The following PXDNL variants were observed in gnomAD, a reference collection of about 807,000 sequenced individuals.
The protein encoded by PXDNL is peroxidasin like, also known as probable oxidoreductase PXDNL.
A neutral mutation model predicts 150.8 loss-of-function variants in PXDNL; 145 were observed. The ratio of observed to expected loss-of-function variants is 0.96; its 90% CI spans 0.84 to 1.10. PXDNL has a LOEUF of 1.10. Among genes scored for constraint, PXDNL ranks in the 50% least tolerant of loss-of-function variants. The pLI is 0.00. For missense variants in PXDNL, 2,087 were observed against 1,873.9 expected, an observed-to-expected ratio of 1.11 and a Z score of -2.10; for synonymous variants, 757 against 725.7, an observed-to-expected ratio of 1.04 and a Z score of -0.69.
chr8:51,327,371 T>A (rs1019061766), intron 21 of PXDNL, among the ~76,000 whole-genome samples: 1 of 152,226 alleles, frequency 6.6e-6, no homozygotes, highest in Non-Finnish European at 1.5e-5. Context: ...ATGGCCCTGA[T>A]ACAATCATGT....
intron 2 of PXDNL, among the ~76,000 whole-genome samples, chr8:51,619,190 C>G (rs906830332): frequency 2.0e-5 from 3 of 152,174 alleles, no homozygotes; most frequent in Non-Finnish European, 4.4e-5. Flanking sequence ...AATTCTTCTT[C>G]CCCAAGGTGG....
chr8:51,623,482 G>A (rs1167290565), intron 2 of PXDNL, among the ~76,000 whole-genome samples: 2 of 152,238 alleles, frequency 1.3e-5, no homozygotes, highest in Non-Finnish European at 2.9e-5. Context: ...AAGCACATGT[G>A]TGTGCCTGTG....
rs190660720 is a variant in PXDNL at position 51,373,528 on chromosome 8, T to C, written c.3692+1069A>G. On this transcript the variant is annotated intron_variant, in intron 18 of 22. Transcript: ENST00000356297. The stretch of plus-strand genomic sequence containing the variant: ...GAGCACATTAACCCAATTATGTGAG[T>C]CAAGAAATTCAGTGTTAAAAATGAT... Among the ~76,000 whole-genome samples, 3 of 152,258 alleles carry C rather than the reference T, an allele frequency of 2.0e-5. No homozygotes were observed. In the East Asian group the frequency reaches 5.8e-4, roughly 29 times the overall value.
chr8:51,549,782 C>T (rs1325463453), intron 4 of PXDNL, among the ~76,000 whole-genome samples: 5 of 151,872 alleles, frequency 3.3e-5, no homozygotes, highest in African/African-American at 1.2e-4. Flanking sequence ...ACTAGAGAAA[C>T]AAAAACAAGC....
intron 22 of PXDNL, 196 bp downstream of exon 22, chr8:51,320,588 C>T: frequency 3.8e-6 from 2 of 523,006 alleles, no homozygotes; most frequent in South Asian, 5.6e-5. Flanking sequence ...AGCGACTGCT[C>T]ATTAGATTGT....
chr8:51,610,559 T>C (rs879412086), intron 2 of PXDNL, among the ~76,000 whole-genome samples: 26 of 152,190 alleles, frequency 1.7e-4, no homozygotes, highest in African/African-American at 4.6e-4. Flanking sequence ...TCTATTGCTA[T>C]ATAACAAATT....
chr8:51,578,423 G>A (rs566692507), intron 3 of PXDNL, among the ~76,000 whole-genome samples: 3 of 151,758 alleles, frequency 2.0e-5, no homozygotes, highest in African/African-American at 4.8e-5. Context: ...CCTACCAAAA[G>A]CTTTAGATAA....
intron 1 of PXDNL, among the ~76,000 whole-genome samples, chr8:51,691,169 T>C (rs1421342680): frequency 6.6e-6 from 1 of 152,170 alleles, no homozygotes; most frequent in Non-Finnish European, 1.5e-5. Flanking sequence ...AGCTCTTTAG[T>C]TTAATTAGAT....
intron 19 of PXDNL, among the ~76,000 whole-genome samples, chr8:51,364,133 AT>A (rs1224709339): frequency 6.6e-6 from 1 of 152,210 alleles, no homozygotes; most frequent in Non-Finnish European, 1.5e-5. Context: ...ACATAACTAA[AT>A]GCTGCAAAGC....
chr8:51,368,854 G>A (rs1474827662), intron 19 of PXDNL, among the ~76,000 whole-genome samples: 1 of 151,976 alleles, frequency 6.6e-6, no homozygotes, highest in East Asian at 1.9e-4. Context: ...AAATTAGCCG[G>A]GCGCAGTGGT....
chr8:51,577,368 C>G (rs1813078378), intron 3 of PXDNL, among the ~76,000 whole-genome samples: 1 of 151,254 alleles, frequency 6.6e-6, no homozygotes, highest in Non-Finnish European at 1.5e-5. Flanking sequence ...AAAATCCACT[C>G]TCTACATATT....
At chr8:51,375,421 A>ATGAT (rs1228194556) in intron 17 of PXDNL, among the ~76,000 whole-genome samples, 5 of 152,282 alleles carry the variant, frequency 3.3e-5, no homozygotes, top group African/African-American at 1.2e-4. Flanking sequence ...CTCTACTCTA[A>ATGAT]TGATAAACGT....
At chr8:51,535,722 T>A (rs10958275) in intron 4 of PXDNL, among the ~76,000 whole-genome samples, 21,793 of 143,796 alleles carry the variant, frequency 0.15, 3,538 homozygotes, top group African/African-American at 0.41. Context: ...AATAAAAAAA[T>A]AAATAAATAA....
At chr8:51,740,417 A>T (rs1236085441) in intron 1 of PXDNL, among the ~76,000 whole-genome samples, 2 of 152,238 alleles carry the variant, frequency 1.3e-5, no homozygotes, top group Non-Finnish European at 2.9e-5. Flanking sequence ...GCTGTCTTCC[A>T]CAATGGTTGA....
intron 1 of PXDNL, among the ~76,000 whole-genome samples, chr8:51,785,401 T>G (rs1428196610): frequency 6.6e-6 from 1 of 152,222 alleles, no homozygotes; most frequent in African/African-American, 2.4e-5. Context: ...GCAGACTTTG[T>G]CTTACGGTGC....
chr8:51,462,187 A>T (rs932047973), intron 8 of PXDNL, among the ~76,000 whole-genome samples: 22 of 152,228 alleles, frequency 1.4e-4, no homozygotes, highest in African/African-American at 5.1e-4. Flanking sequence ...ATAAAGGAAC[A>T]CCAGCCCTCT....
chr8:51,373,024 C>T (rs1807174482), intron 18 of PXDNL, among the ~76,000 whole-genome samples: 1 of 152,176 alleles, frequency 6.6e-6, no homozygotes, highest in Admixed American at 6.5e-5. Flanking sequence ...CTTCTTGCCA[C>T]TATCTTGATG....
At chr8:51,494,692 C>G (rs1445739173) in intron 5 of PXDNL, among the ~76,000 whole-genome samples, 1 of 152,138 alleles carries the variant, frequency 6.6e-6, no homozygotes, top group Non-Finnish European at 1.5e-5. Flanking sequence ...AAGGCCATTA[C>G]ATAATGGTGA....
intron 10 of PXDNL, among the ~76,000 whole-genome samples, chr8:51,452,939 C>CATACACACACACACACACACAA (rs1282447469): frequency 1.2e-4 from 18 of 150,112 alleles, no homozygotes; most frequent in South Asian, 4.2e-4. Context: ...CACACAAACA[C>CATACACACACACACACACACAA]ACACACACAC....
Sources: allele counts gnomAD v4.1 joint callset (sites outside exome capture counted in the v4.1 genomes callset), GRCh38; gene constraint gnomAD v4.1.1; transcripts MANE v1.5; gene names NCBI Gene and HGNC (gene_info 2026-07-23, HGNC 2026-07-21).